The following PSMC4 variants were observed in gnomAD, a reference collection of about 807,000 sequenced individuals.
The protein encoded by PSMC4 is proteasome 26S subunit, ATPase 4.
PSMC4 carries 13 observed loss-of-function variants against 48.4 expected under a neutral mutation model. The observed-to-expected ratio is 0.27, with a 90% CI of 0.18 to 0.43. The LOEUF is 0.43. Among genes scored for constraint, PSMC4 ranks in the 20% least tolerant of loss-of-function variants. PSMC4 has a pLI of 1.00. For missense variants in PSMC4, 262 were observed against 555.9 expected (o/e 0.47, Z 5.32); for synonymous variants, 202 against 212.3 (o/e 0.95, Z 0.42).
rs1275068725 is a variant in PSMC4 at position 39,981,658 on chromosome 19, T to TG, written c.*354dup. Among the ~76,000 whole-genome samples the TG allele has an allele frequency of 1.3e-5, 2 of 152,106 alleles. No homozygotes were observed. Among genetic ancestry groups the TG allele is most frequent in the African/African-American group, 4.8e-5 (2 of 41,418 alleles). On this transcript the variant is annotated 3_prime_UTR_variant, in exon 11 of 11. Transcript: ENST00000157812. ...AGTCCTTAATCACGGGATAAAGCCC[T>TG]GTGCATCTCCCTCATTTCCTACAGG...
chr19:39,972,211 T>C lies in PSMC4; in HGVS notation c.102T>C (p.Pro34=), dbSNP rs140248429. The C allele has an allele frequency of 2.8e-4, 451 of 1,614,096 alleles. 5 individuals carry two copies. In the Middle Eastern group the frequency reaches 8.9e-3, roughly 32 times the overall value. The change falls in exon 2 of 11, where the codon CCT becomes CCC. Residue 34 remains proline (P), a synonymous_variant. Transcript: ENST00000157812. The part of the protein sequence containing the change: ...QTGLSFLGPE[P]EDLEDLYSRY... ...GCCTGTCCTTCCTGGGCCCTGAGCC[T>C]GAGGACCTGGAGGACCTGTACAGCC...
At position 39,980,544 on chromosome 19, in the gene PSMC4, T is replaced by C; in HGVS notation, c.1087+90T>C. 2 of 1,590,084 alleles carry C rather than the reference T, an allele frequency of 1.3e-6. No homozygotes were observed. Among genetic ancestry groups the C allele is most frequent in the Non-Finnish European group, 8.6e-7 (1 of 1,159,872 alleles). ...CTTCTGCCAGCACCACAGCCCAGACTGTGCAGGTGGGACCAAGGTCCAGGG... is the reference window on the plus strand; with the variant it reads ...CTTCTGCCAGCACCACAGCCCAGACCGTGCAGGTGGGACCAAGGTCCAGGG... On this transcript the variant is annotated intron_variant, in intron 9 of 10. Transcript: ENST00000157812. This position sits in a 1 kb window ranked among gnomAD's most constrained non-coding sequence, Gnocchi z 4.8.
In PSMC4 at chr19:39,974,948, G is replaced by C. The variant is rs1031667875; in HGVS notation, c.673+120G>C. On this transcript the variant is annotated intron_variant, in intron 6 of 10. Transcript: ENST00000157812. The surrounding 1 kb of genome is among the most constrained non-coding windows in gnomAD (Gnocchi z 5.5). ...GACTCTGGGGTCATAGCCCACGTGTGCATGTTACTGGCTGTGCTGACTTCA... is the reference window on the plus strand; with the variant it reads ...GACTCTGGGGTCATAGCCCACGTGTCCATGTTACTGGCTGTGCTGACTTCA... 1.8e-5 allele frequency: 17 copies of C among 957,106 alleles called. No homozygotes were observed. In the African/African-American group the frequency reaches 2.4e-4, roughly 14 times the overall value. 59.3% of individuals were successfully genotyped at this position (957,106 alleles called of 1,614,324 possible). A position where few individuals can be genotyped will look rare whatever the true frequency, so the allele number is the denominator to read the frequency against.
At chr19:39,975,210 G>A (rs1226543629) in intron 6 of PSMC4, among the ~76,000 whole-genome samples, 4 of 152,050 alleles carry the variant, frequency 2.6e-5, no homozygotes, top group Admixed American at 6.6e-5. Context: ...CATCTGTTTC[G>A]TGAAACTTGT....
chr19:39,974,547 G>C lies in PSMC4; in HGVS notation c.493G>C (p.Ala165Pro). Reference protein sequence around the residue: ...TSDQKPDVMYADIGGMDIQKQ... With the variant: ...TSDQKPDVMYPDIGGMDIQKQ... ...AGACCAGAAGCCAGATGTGATGTAC[G>C]CGGACATCGGAGGCATGGACATCCA... The change falls in exon 5 of 11, where the codon GCG becomes CCG. Residue 165 changes from alanine (A) to proline (P), a missense_variant. Ala to Pro is a conservative substitution (Grantham distance 27). Transcript: ENST00000157812. The surrounding 1 kb of genome is among the most constrained non-coding windows in gnomAD (Gnocchi z 5.5). 1.2e-6 allele frequency: 2 copies of C among 1,614,136 alleles called. No homozygotes were observed. The highest frequency in any genetic ancestry group is 1.7e-6 in the Non-Finnish European group (2 of 1,180,024).
chr19:39,979,576 AG>A (rs1971257522), intron 6 of PSMC4: 3 of 345,370 alleles, frequency 8.7e-6, no homozygotes, highest in African/African-American at 4.2e-5. Flanking sequence ...AAAAAAAAAA[AG>A]TGACACATTT....
chr19:39,973,004 C>T (rs1234974530), intron 3 of PSMC4, among the ~76,000 whole-genome samples: 2 of 152,100 alleles, frequency 1.3e-5, no homozygotes. Flanking sequence ...CCTCACCCTC[C>T]GAAAGTGTTG....
rs766510583 is a variant in PSMC4 at position 39,980,305 on chromosome 19, G to C, written c.938G>C (p.Arg313Thr). 6.2e-7 allele frequency: 1 copy of C among 1,614,048 alleles called. No homozygotes were observed. Among genetic ancestry groups the C allele is most frequent in the Non-Finnish European group, 8.5e-7 (1 of 1,180,022 alleles). ...TGTCAGGTAATCATGGCCACAAACA[G>C]AGCAGACACCCTGGATCCGGCCCTG... ...VNVKVIMATN[R>T]ADTLDPALLR... The change falls in exon 9 of 11, where the codon AGA becomes ACA. Residue 313 changes from arginine (R) to threonine (T), a missense_variant. Transcript: ENST00000157812. This position sits in a 1 kb window ranked among gnomAD's most constrained non-coding sequence, Gnocchi z 4.8.
Position 39,980,486 on chromosome 19 carries a change from T to G in PSMC4, c.1087+32T>G. 1 of 1,610,654 alleles carries G rather than the reference T, an allele frequency of 6.2e-7. No homozygotes were observed. The highest frequency in any genetic ancestry group is 8.5e-7 in the Non-Finnish European group (1 of 1,177,218). On this transcript the variant is annotated intron_variant, in intron 9 of 10. Coordinates refer to ENST00000157812, the MANE Select transcript of PSMC4 (RefSeq NM_006503.4). The surrounding 1 kb of genome is among the most constrained non-coding windows in gnomAD (Gnocchi z 4.8). ...TGCTCCAGAAGTCAGGGAGGGGCCC[T>G]AGTTGGGAACGGGGATTAGATCTTC...
At chr19:39,978,081 C>T (rs1376723860) in intron 6 of PSMC4, among the ~76,000 whole-genome samples, 1 of 152,184 alleles carries the variant, frequency 6.6e-6, no homozygotes, top group East Asian at 1.9e-4. Flanking sequence ...TGCCTCAGCT[C>T]CCCAAAGTGT....
chr19:39,974,483 TGAG>T lies in PSMC4; in HGVS notation c.470-38_470-36del. 6.2e-7 allele frequency: 1 copy of T among 1,613,208 alleles called. No individual in the cohort carries two copies. The highest frequency in any genetic ancestry group is 8.5e-7 in the Non-Finnish European group (1 of 1,179,418). On this transcript the variant is annotated intron_variant, in intron 4 of 10. Coordinates refer to ENST00000157812, the MANE Select transcript of PSMC4 (RefSeq NM_006503.4). This position sits in a 1 kb window ranked among gnomAD's most constrained non-coding sequence, Gnocchi z 5.5. The stretch of plus-strand genomic sequence containing the variant: ...AGCTGGGAGGGCCCCATGGGGACCT[TGAG>T]GACCTGGCCAGGAGCCCCAGCTCTG...
intron 1 of PSMC4, among the ~76,000 whole-genome samples, 198 bp from the exon 2 acceptor site, chr19:39,971,948 G>A (rs1971107712): frequency 1.3e-5 from 2 of 152,094 alleles, no homozygotes; most frequent in South Asian, 4.1e-4. Flanking sequence ...CTGTTTGAGG[G>A]GCAAGTTGAC....
At position 39,974,310 on chromosome 19, in the gene PSMC4, G is replaced by A. The variant is rs1971157476; in HGVS notation, c.339G>A (p.Val113=). 1 of 1,614,124 alleles carries A rather than the reference G, an allele frequency of 6.2e-7. No homozygotes were observed. Among genetic ancestry groups the A allele is most frequent in the Non-Finnish European group, 8.5e-7 (1 of 1,180,028 alleles). ...VGSTTGSNYY[V]RILSTIDREL... ...TTCTCGCAGGCTCCAACTATTATGT[G>A]CGCATCCTGAGCACCATCGATCGGG... The change falls in exon 4 of 11, where the codon GTG becomes GTA. Residue 113 remains valine, a synonymous_variant. Coordinates refer to ENST00000157812, the MANE Select transcript of PSMC4 (RefSeq NM_006503.4). The surrounding 1 kb of genome is among the most constrained non-coding windows in gnomAD (Gnocchi z 5.5).
At chr19:39,971,637 G>T (rs561552131) in intron 1 of PSMC4, among the ~76,000 whole-genome samples, 1 of 152,158 alleles carries the variant, frequency 6.6e-6, no homozygotes, top group Non-Finnish European at 1.5e-5. Context: ...TTTGCTGATG[G>T]GGGTAATGGG....
Position 39,981,245 on chromosome 19 carries a change from C to T in PSMC4, c.1197C>T (p.Phe399=), listed in dbSNP as rs750295716. The change falls in exon 11 of 11, where the codon TTC becomes TTT. Residue 399 remains phenylalanine (F), a synonymous_variant. Transcript: ENST00000157812. ...GCTACATTGTCCTGGCCAAGGACTT[C>T]GAGAAAGCATACAAGACTGTCATCA... ...ENRYIVLAKD[F]EKAYKTVIKK... The T allele has an allele frequency of 6.2e-6, 10 of 1,613,982 alleles. No individual in the cohort carries two copies. The highest frequency in any genetic ancestry group is 2.2e-5 in the East Asian group (1 of 44,864).
At chr19:39,981,137 G>T in intron 10 of PSMC4, 55 bp from the exon 11 acceptor site, 1 of 1,370,374 alleles carries the variant, frequency 7.3e-7, no homozygotes, top group Non-Finnish European at 1.0e-6. Flanking sequence ...GATTACAGGT[G>T]TGAGCCACTG....
rs755788438 is a variant in PSMC4 at position 39,981,322 on chromosome 19, AC to A, written c.*19del. ...TACAAGTGACCCTTCCCTTCCCTCC[AC>A]CACACCACTCAGGGGCTGGGGCTTC... is the stretch of plus-strand genomic sequence containing the variant. On this transcript the variant is annotated 3_prime_UTR_variant, in exon 11 of 11. Coordinates refer to ENST00000157812, the MANE Select transcript of PSMC4 (RefSeq NM_006503.4). 6.3e-7 allele frequency: 1 copy of A among 1,578,500 alleles called. No homozygotes were observed. The highest frequency in any genetic ancestry group is 8.7e-7 in the Non-Finnish European group (1 of 1,147,758).
At chr19:39,977,337 A>G (rs907251346) in intron 6 of PSMC4, among the ~76,000 whole-genome samples, 17 of 152,174 alleles carry the variant, frequency 1.1e-4, no homozygotes, top group Admixed American at 1.1e-3. Context: ...ACAATGAACT[A>G]AAGTTTAGAC....
At position 39,980,229 on chromosome 19, in the gene PSMC4, G is replaced by C. The variant is rs234341; in HGVS notation, c.919-57G>C. The C allele has an allele frequency of 1.3e-5, 21 of 1,613,340 alleles. No individual in the cohort carries two copies. In the African/African-American group the frequency reaches 1.9e-4, roughly 14 times the overall value. ...GGCTGGCACCTAAGGGGTGGTTATC[G>C]TGACAGGAAGGAGGTAGGAGTGCAG... On this transcript the variant is annotated intron_variant, in intron 8 of 10. Coordinates refer to ENST00000157812, the MANE Select transcript of PSMC4 (RefSeq NM_006503.4). The surrounding 1 kb of genome is among the most constrained non-coding windows in gnomAD (Gnocchi z 4.8).
Sources: gnomAD v4.1 joint callset for allele counts (sites outside exome capture counted in the v4.1 genomes callset) on GRCh38, gnomAD v4.1.1 for gene constraint, Gnocchi (gnomAD v3.1) non-coding constraint, MANE v1.5 for transcripts, NCBI Gene and HGNC (gene_info 2026-07-23, HGNC 2026-07-21) for gene names.